CCND3: variants seen among roughly 807,000 people sequenced by gnomAD.
CCND3 encodes G1/S-specific cyclin-D3.
CCND3 carries 9 observed loss-of-function variants against 28.7 expected under a neutral mutation model. The observed-to-expected ratio is 0.31, with a 90% confidence interval of 0.19 to 0.55. The LOEUF (loss-of-function observed/expected upper bound fraction) is 0.55. CCND3 is among the 20% of genes least tolerant of loss of function. The probability of loss-of-function intolerance (pLI) is 0.93; values close to 1 mark genes in which losing one functional copy is unlikely to be tolerated. For missense variants in CCND3, 315 were observed against 385.8 expected (o/e 0.82, Z 1.54); for synonymous variants, 164 against 163.9 (o/e 1.00, Z 0.00).
At position 41,939,065 on chromosome 6, in the gene CCND3, A is replaced by T. The variant is rs765263680; in HGVS notation, c.414+1305T>A. On this transcript the variant is annotated intron_variant, in intron 2 of 4. Transcript: ENST00000372991. This position sits in a 1 kb window ranked among gnomAD's most constrained non-coding sequence, Gnocchi z 4.2. ...TTCCAGCCCCAACCCCTCCAAAAACATCTTGCTCTCTGGCCCTGGAAACTA... is the reference window on the plus strand; with the variant it reads ...TTCCAGCCCCAACCCCTCCAAAAACTTCTTGCTCTCTGGCCCTGGAAACTA... Among the ~76,000 whole-genome samples the T allele has an allele frequency of 6.6e-6, 1 of 152,132 alleles. No homozygotes were observed. Among genetic ancestry groups the T allele is most frequent in the Non-Finnish European group, 1.5e-5 (1 of 68,008 alleles).
At chr6:42,044,261 C>T (rs1439267416) in intron 1 of CCND3, among the ~76,000 whole-genome samples, 1 of 152,238 alleles carries the variant, frequency 6.6e-6, no homozygotes, top group Admixed American at 6.5e-5. Flanking sequence ...GTTCTCTGGG[C>T]CCCGGTGTGT....
At chr6:42,027,582 G>C (rs897295516) in intron 1 of CCND3, among the ~76,000 whole-genome samples, 2 of 152,108 alleles carry the variant, frequency 1.3e-5, no homozygotes, top group African/African-American at 4.8e-5. Flanking sequence ...TCCCTGCTCA[G>C]GAAACCACTG....
chr6:41,964,623 G>C (rs1443744393), intron 1 of CCND3, among the ~76,000 whole-genome samples: 1 of 152,152 alleles, frequency 6.6e-6, no homozygotes, highest in Non-Finnish European at 1.5e-5. Flanking sequence ...ACTAGGTGAG[G>C]AGAGAGCATC....
At chr6:41,988,820 T>A (rs1762565940) in intron 1 of CCND3, among the ~76,000 whole-genome samples, 1 of 149,420 alleles carries the variant, frequency 6.7e-6, no homozygotes, top group South Asian at 2.1e-4. Flanking sequence ...TGCCTGAGGC[T>A]CCCGAATAGC....
rs773644164 is a variant in CCND3 at position 41,935,952 on chromosome 6, G to A, written c.867C>T (p.Ala289=). The change falls in exon 5 of 5, where the codon GCC becomes GCT. Residue 289 remains alanine (A), a synonymous_variant. Transcript: ENST00000372991. ...SQTSTPTDVT[A]IHL is the part of the protein sequence containing the mutation. ...GGCCTCTCCAGGGCTACAGGTGTAT[G>A]GCTGTGACATCTGTAGGAGTGCTGG... The A allele has an allele frequency of 6.2e-7, 1 of 1,611,348 alleles. No homozygotes were observed. The highest frequency in any genetic ancestry group is 2.2e-5 in the East Asian group (1 of 44,824).
intron 1 of CCND3, among the ~76,000 whole-genome samples, chr6:42,046,419 C>G (rs943206849): frequency 6.6e-6 from 1 of 152,206 alleles, no homozygotes; most frequent in Non-Finnish European, 1.5e-5. Flanking sequence ...ATCTACCAAG[C>G]TGGAATGCAC....
chr6:41,972,255 G>GAA (rs1762055304), intron 1 of CCND3, among the ~76,000 whole-genome samples: 1 of 149,544 alleles, frequency 6.7e-6, no homozygotes, highest in Non-Finnish European at 1.5e-5. Flanking sequence ...GAAAAGAAAA[G>GAA]AAAAGAGATA....
At position 42,048,619 on chromosome 6, in the gene CCND3, G is replaced by A. The variant is rs1764616624; in HGVS notation, c.-164C>T. On this transcript the variant is annotated 5_prime_UTR_variant, in exon 1 of 5. Coordinates refer to the CCND3 transcript ENST00000372988. This position sits in a 1 kb window ranked among gnomAD's most constrained non-coding sequence, Gnocchi z 4.7. ...TCGCAACCACCAGCCGCGAGGAGAG[G>A]ATTGCACCTCTCCCCCCCGGCCGGC... 1 of 517,748 alleles carries A rather than the reference G, an allele frequency of 1.9e-6. No individual in the cohort carries two copies. The highest frequency in any genetic ancestry group is 3.9e-6 in the Non-Finnish European group (1 of 259,462). 32.1% of individuals were successfully genotyped at this position (517,748 alleles called of 1,614,324 possible).
intron 1 of CCND3, among the ~76,000 whole-genome samples, chr6:42,040,009 G>C (rs907190533): frequency 9.2e-5 from 14 of 152,228 alleles, no homozygotes; most frequent in African/African-American, 2.7e-4. Context: ...TGCTCTACTA[G>C]TCCTGAGACT....
chr6:42,042,361 T>TG (rs1419334467), intron 1 of CCND3, among the ~76,000 whole-genome samples: 4 of 111,900 alleles, frequency 3.6e-5, no homozygotes, highest in African/African-American at 1.3e-4. Context: ...GGCTCGGAAG[T>TG]GGGTTTTTTT....
Position 42,005,157 on chromosome 6 carries a change from A to G in CCND3, c.-46+43344T>C, listed in dbSNP as rs528618435. 1.7e-4 allele frequency among the ~76,000 whole-genome samples: 26 copies of G among 152,356 alleles called. 1 individual carries two copies. The East Asian group carries it at 5.0e-3, about 29-fold the overall frequency. On this transcript the variant is annotated intron_variant, in intron 1 of 4. Transcript: ENST00000372988. ...TATATGCTGACACCTTGCTCAAAAT[A>G]TAAGCAAACCAAACCCAGCAGTGTA...
At chr6:41,937,431 A>G (rs1221562550) in intron 2 of CCND3, 37 bp from the exon 3 acceptor site, 1 of 1,611,538 alleles carries the variant, frequency 6.2e-7, no homozygotes, top group Non-Finnish European at 8.5e-7. Context: ...CAGTGGCTGG[A>G]GAAGTGAAGA....
chr6:42,025,946 G>C (rs1018886018), intron 1 of CCND3, among the ~76,000 whole-genome samples: 2 of 152,158 alleles, frequency 1.3e-5, no homozygotes, highest in Non-Finnish European at 1.5e-5. Context: ...GTGAGTGAAT[G>C]AATGAGTCAG....
intron 1 of CCND3, among the ~76,000 whole-genome samples, chr6:42,007,607 AG>A (rs1266701197): frequency 6.6e-6 from 1 of 152,236 alleles, no homozygotes; most frequent in Non-Finnish European, 1.5e-5. Flanking sequence ...TACCATTCAT[AG>A]AAAAAATGAT....
Position 41,973,059 on chromosome 6 carries a change from G to A in CCND3, c.-45-32474C>T, listed in dbSNP as rs898604362. On this transcript the variant is annotated intron_variant, in intron 1 of 4. Transcript: ENST00000372988. ...TGTGTCTGGGTAATGTCAATGAGAC[G>A]TTGGGCTGGAAAATGGTAGAGAACA... 3.9e-5 allele frequency among the ~76,000 whole-genome samples: 6 copies of A among 152,142 alleles called. 1 individual carries two copies. The highest frequency in any genetic ancestry group is 2.1e-4 in the South Asian group (1 of 4,824).
chr6:41,953,502 G>A (rs1776366398), intron 1 of CCND3, among the ~76,000 whole-genome samples: 1 of 151,946 alleles, frequency 6.6e-6, no homozygotes, highest in South Asian at 2.1e-4. Flanking sequence ...AAATCCAAGG[G>A]GTAATTATTT....
rs9471740 is a variant in CCND3, at chr6:42,038,451, A to C, written c.-46+10050T>G. Among the ~76,000 whole-genome samples, 251 of 151,994 alleles carry C rather than the reference A, an allele frequency of 1.7e-3. 1 individual carries two copies. The highest frequency in any genetic ancestry group is 5.6e-3 in the African/African-American group (233 of 41,428). ...GTTACTTGGGAGGTTGAGGCAGGAGAACTGCTTGAGCCCAGGAGGCAGGAG... is the reference window on the plus strand; with the variant it reads ...GTTACTTGGGAGGTTGAGGCAGGAGCACTGCTTGAGCCCAGGAGGCAGGAG... On this transcript the variant is annotated intron_variant, in intron 1 of 4. Coordinates refer to the CCND3 transcript ENST00000372988.
intron 1 of CCND3, among the ~76,000 whole-genome samples, chr6:41,980,385 C>T (rs1762312692): frequency 6.6e-6 from 1 of 152,144 alleles, no homozygotes; most frequent in Non-Finnish European, 1.5e-5. Context: ...ATTGTCCAAC[C>T]TCAGCCTCCC....
chr6:41,951,328 G>A (rs946996607), intron 1 of CCND3, among the ~76,000 whole-genome samples: 36 of 151,650 alleles, frequency 2.4e-4, no homozygotes, highest in African/African-American at 8.5e-4. Context: ...GGCCAAGGTG[G>A]GTGGATCCGA....
Sources: gnomAD v4.1 joint callset for allele counts (sites outside exome capture counted in the v4.1 genomes callset) on GRCh38, gnomAD v4.1.1 for gene constraint, Gnocchi (gnomAD v3.1) non-coding constraint, MANE v1.5 for transcripts, NCBI Gene and HGNC (gene_info 2026-07-23, HGNC 2026-07-21) for gene names.